The following DNAJC24 variants were observed in gnomAD, a reference collection of about 807,000 sequenced individuals.
DNAJC24 encodes the protein DnaJ heat shock protein family (Hsp40) member C24, also known as dnaJ homolog subfamily C member 24.
A neutral mutation model predicts 18.0 loss-of-function variants in DNAJC24; 17 were observed. That is an observed-to-expected ratio of 0.94 (90% CI 0.65 to 1.42). The LOEUF (loss-of-function observed/expected upper bound fraction) is 1.42, where lower values mean the gene tolerates loss of function less well. DNAJC24 is among the 40% of genes most tolerant of loss of function. DNAJC24 has a pLI of 0.00. For synonymous variants in DNAJC24, 55 were observed against 57.7 expected (o/e 0.95, Z 0.21); for missense variants, 158 against 175.6 (o/e 0.90, Z 0.57).
At chr11:31,388,144 A>G (rs532503667) in intron 2 of DNAJC24, among the ~76,000 whole-genome samples, 34 of 152,180 alleles carry the variant, frequency 2.2e-4, no homozygotes, top group Admixed American at 5.2e-4. Context: ...GGGCAAATCT[A>G]AGAGTTATTA....
At chr11:31,385,030 T>A (rs1251242234) in intron 2 of DNAJC24, 1 of 152,214 alleles carries the variant, frequency 6.6e-6, no homozygotes, top group Non-Finnish European at 1.5e-5. Flanking sequence ...CCCAGTTTAA[T>A]GCATCTTTTA....
intron 4 of DNAJC24, among the ~76,000 whole-genome samples, chr11:31,429,091 G>A (rs1393213446): frequency 6.6e-6 from 1 of 152,054 alleles, no homozygotes; most frequent in Admixed American, 6.6e-5. Flanking sequence ...GTAGTACATA[G>A]ATGTTGGCTT....
At chr11:31,427,114 C>T (rs551825438) in intron 4 of DNAJC24, 21 of 152,170 alleles carry the variant, frequency 1.4e-4, no homozygotes, top group Non-Finnish European at 2.6e-4. Context: ...TATGCTTAAC[C>T]TTTTAACCTT....
chr11:31,411,392 A>G (rs368524857), intron 2 of DNAJC24, among the ~76,000 whole-genome samples: 2 of 152,250 alleles, frequency 1.3e-5, no homozygotes, highest in South Asian at 2.1e-4. Context: ...TCATAGCAGT[A>G]AAAACAAACT....
chr11:31,431,938 A>C lies in DNAJC24; in HGVS notation c.*1537A>C, dbSNP rs373337947. 6.6e-6 allele frequency: 1 copy of C among 152,450 alleles called. No individual in the cohort carries two copies. The highest frequency in any genetic ancestry group is 1.9e-4 in the East Asian group (1 of 5,208). The allele number at this position is 152,450 out of a possible 1,614,324, so 9.4% of individuals were successfully genotyped here. Reference sequence around the variant, plus strand: ...TATAAAGTATTATTGACTATAGCCAACTACAGATGGCATATGCCTTAAAGA... The same window carrying C: ...TATAAAGTATTATTGACTATAGCCACCTACAGATGGCATATGCCTTAAAGA... On this transcript the variant is annotated 3_prime_UTR_variant, in exon 5 of 5. Transcript: ENST00000465995.
chr11:31,406,002 G>A (rs1463624444), intron 2 of DNAJC24, among the ~76,000 whole-genome samples: 1 of 152,158 alleles, frequency 6.6e-6, no homozygotes, highest in Non-Finnish European at 1.5e-5. Context: ...CCCAATCACT[G>A]CTGAAAGGTA....
At chr11:31,389,324 A>T (rs766893186) in intron 2 of DNAJC24, among the ~76,000 whole-genome samples, 29 of 152,176 alleles carry the variant, frequency 1.9e-4, no homozygotes, top group Non-Finnish European at 4.1e-4. Context: ...TTCCATGCAA[A>T]TTGAAACAAA....
Position 31,431,013 on chromosome 11 carries a change from CTTTTAA to C in DNAJC24, c.*622_*627del. The C allele has an allele frequency of 6.6e-6, 1 of 152,206 alleles. No homozygotes were observed. The highest frequency in any genetic ancestry group is 6.5e-5 in the Admixed American group (1 of 15,288). The allele number at this position is 152,206 out of a possible 1,614,324, so 9.4% of individuals were successfully genotyped here. A position where few individuals can be genotyped will look rare whatever the true frequency, so the allele number is the denominator to read the frequency against. The stretch of plus-strand genomic sequence containing the variant: ...TTAAATGTAATTTAGGAAATGGAAG[CTTTTAA>C]TTTTAATTTCTTTTTTCTAAGACAG... On this transcript the variant is annotated 3_prime_UTR_variant, in exon 5 of 5. Coordinates refer to ENST00000465995, the MANE Select transcript of DNAJC24 (RefSeq NM_181706.5).
At chr11:31,396,679 A>G (rs1952545068) in intron 2 of DNAJC24, among the ~76,000 whole-genome samples, 1 of 152,020 alleles carries the variant, frequency 6.6e-6, no homozygotes, top group South Asian at 2.1e-4. Flanking sequence ...ATTCCATCCT[A>G]CTATCAGTTT....
intron 2 of DNAJC24, chr11:31,396,416 A>G: frequency 2.7e-6 from 1 of 364,462 alleles, no homozygotes; most frequent in South Asian, 2.2e-5. Flanking sequence ...CCTCAATTAT[A>G]TGCAAATTTT....
rs555679560 is a variant in DNAJC24 at position 31,413,019 on chromosome 11, C to CT, written c.112-1789dup. 1.2e-3 allele frequency among the ~76,000 whole-genome samples: 186 copies of CT among 152,278 alleles called. 1 individual carries two copies. The highest frequency in any genetic ancestry group is 4.4e-3 in the African/African-American group (182 of 41,552). ...GTATTTGACTCAATTTACTGAGTGA[C>CT]TTTAGCCTTCGCAATTTAGATAATA... On this transcript the variant is annotated intron_variant, in intron 2 of 4. Transcript: ENST00000465995.
At chr11:31,376,692 T>TCA (rs1952318883) in intron 2 of DNAJC24, among the ~76,000 whole-genome samples, 1 of 152,182 alleles carries the variant, frequency 6.6e-6, no homozygotes, top group Admixed American at 6.5e-5. Flanking sequence ...TCGCATTATA[T>TCA]CACACTTCTC....
rs1438422426 is a variant in DNAJC24 at position 31,370,845 on chromosome 11, A to G, written c.97A>G (p.Lys33Glu). ...NISDLKQKYQ[K>E]LILMYHPDKQ... ...ATCAGACCTAAAACAAAAATATCAA[A>G]AACTCATATTAATGGTAAGTCTTTT... Residue 33 changes from lysine to glutamate, a missense_variant, in exon 2 of 5, where the codon AAA becomes GAA. Physicochemically the swap from Lys to Glu is moderately conservative, Grantham distance 56 (BLOSUM62 1). Transcript: ENST00000465995. The G allele has an allele frequency of 5.0e-6, 8 of 1,599,064 alleles. No homozygotes were observed. The highest frequency in any genetic ancestry group is 4.5e-5 in the South Asian group (4 of 89,356).
intron 2 of DNAJC24, among the ~76,000 whole-genome samples, chr11:31,411,447 T>C (rs979417444): frequency 6.6e-5 from 10 of 152,356 alleles, no homozygotes; most frequent in Middle Eastern, 3.4e-3. Flanking sequence ...TTTATAGTTC[T>C]GGAGAAGTCC....
chr11:31,401,449 C>A (rs1331411877), intron 2 of DNAJC24, among the ~76,000 whole-genome samples: 1 of 151,922 alleles, frequency 6.6e-6, no homozygotes, highest in Non-Finnish European at 1.5e-5. Flanking sequence ...TTCTTATTCC[C>A]CTTCTCCCGC....
At chr11:31,412,922 A>C (rs1952721714) in intron 2 of DNAJC24, among the ~76,000 whole-genome samples, 1 of 152,234 alleles carries the variant, frequency 6.6e-6, no homozygotes, top group Admixed American at 6.5e-5. Context: ...TTTTTAAAAT[A>C]GTCTGTGATT....
At chr11:31,399,299 T>TA (rs1487995251) in intron 2 of DNAJC24, among the ~76,000 whole-genome samples, 3 of 152,180 alleles carry the variant, frequency 2.0e-5, no homozygotes, top group African/African-American at 4.8e-5. Flanking sequence ...ATAGAGGTTT[T>TA]AAAAAAGGTT....
intron 2 of DNAJC24, among the ~76,000 whole-genome samples, chr11:31,391,029 G>A (rs1952490108): frequency 6.6e-6 from 1 of 152,128 alleles, no homozygotes; most frequent in Non-Finnish European, 1.5e-5. Context: ...TTATCCCTCG[G>A]ATGCAAGGAT....
rs1952936814 is a variant in DNAJC24 at position 31,432,432 on chromosome 11, G to A, written c.*2031G>A. 10 of 1,066,236 alleles carry A rather than the reference G, an allele frequency of 9.4e-6. No homozygotes were observed. In the East Asian group the frequency reaches 9.5e-5, roughly 10 times the overall value. The allele number at this position is 1,066,236 out of a possible 1,614,324, so 66.0% of individuals were successfully genotyped here. A position where few individuals can be genotyped will look rare whatever the true frequency, so the allele number is the denominator to read the frequency against. ...GCAAATAGTTTATTGGTAAGTACAC[G>A]GTTTCAACGGGAGTAATAAATTCAC... On this transcript the variant is annotated 3_prime_UTR_variant, in exon 5 of 5. Coordinates refer to ENST00000465995, the MANE Select transcript of DNAJC24 (RefSeq NM_181706.5).
Sources: gnomAD v4.1 joint callset for allele counts (sites outside exome capture counted in the v4.1 genomes callset) on GRCh38, gnomAD v4.1.1 for gene constraint, MANE v1.5 for transcripts, NCBI Gene and HGNC (gene_info 2026-07-23, HGNC 2026-07-21) for gene names.